The following DPP10 variants were observed in gnomAD, a reference collection of about 807,000 sequenced individuals.
DPP10 encodes the protein inactive dipeptidyl peptidase 10.
Under a neutral mutation model 120.9 loss-of-function variants are expected in DPP10, and 33 were observed. That is an observed-to-expected ratio of 0.27 (90% confidence interval 0.21 to 0.37). The LOEUF (loss-of-function observed/expected upper bound fraction) is 0.37. DPP10 is among the 10% of genes least tolerant of loss of function. The probability of loss-of-function intolerance (pLI) is 1.00; values close to 1 mark genes in which losing one functional copy is unlikely to be tolerated. For synonymous variants in DPP10, 337 were observed against 326.1 expected, an observed-to-expected ratio of 1.03 and a Z score of -0.36; for missense variants, 816 against 942.8, an observed-to-expected ratio of 0.87 and a Z score of 1.76.
chr2:114,512,149 G>A (rs1419345377), intron 1 of DPP10, among the ~76,000 whole-genome samples: 2 of 152,160 alleles, frequency 1.3e-5, no homozygotes, highest in Non-Finnish European at 2.9e-5. Context: ...CTTGACTTTC[G>A]TACAGCTTCA....
chr2:114,853,248 T>C (rs1236214974), intron 1 of DPP10, among the ~76,000 whole-genome samples: 1 of 152,190 alleles, frequency 6.6e-6, no homozygotes, highest in Non-Finnish European at 1.5e-5. Flanking sequence ...GACTGTTAAA[T>C]GGATGAAAAC....
At chr2:114,928,927 C>A (rs188310575) in intron 1 of DPP10, among the ~76,000 whole-genome samples, 8 of 152,312 alleles carry the variant, frequency 5.3e-5, no homozygotes, top group Admixed American at 4.6e-4. Context: ...ACAACAGGAG[C>A]TATCGGGGGA....
rs1001861642 is a variant in DPP10, at chr2:115,549,742, T to C, written c.441+23770T>C. Among the ~76,000 whole-genome samples, 21 of 152,150 alleles carry C rather than the reference T, an allele frequency of 1.4e-4. 1 individual carries two copies. Among genetic ancestry groups the C allele is most frequent in the Non-Finnish European group, 1.5e-5 (1 of 68,034 alleles). On this transcript the variant is annotated intron_variant, in intron 5 of 25. Coordinates refer to ENST00000410059, the MANE Select transcript of DPP10 (RefSeq NM_020868.6). ...CAGTCACTGGCTTAAAATCAATCATTGACACCACATTTAGAATAAGGTCTC... is the reference window on the plus strand; with the variant it reads ...CAGTCACTGGCTTAAAATCAATCATCGACACCACATTTAGAATAAGGTCTC...
chr2:115,640,172 G>T (rs1468067792), intron 5 of DPP10, among the ~76,000 whole-genome samples: 1 of 151,986 alleles, frequency 6.6e-6, no homozygotes, highest in Non-Finnish European at 1.5e-5. Context: ...AGACCCCTCA[G>T]GGAAGGAAAA....
Position 115,686,199 on chromosome 2 carries a change from CA to C in DPP10, c.442-3487del, listed in dbSNP as rs1232653042. ...GTTCCTGTTTAAAATCACTTCCCAC[CA>C]GTCACTTCTGCCCCCAAGCATAGTG... is the stretch of plus-strand genomic sequence containing the variant. On this transcript the variant is annotated intron_variant, in intron 5 of 25. Coordinates refer to ENST00000410059, the MANE Select transcript of DPP10 (RefSeq NM_020868.6). 5.3e-5 allele frequency among the ~76,000 whole-genome samples: 8 copies of C among 152,068 alleles called. No homozygotes were observed. In the East Asian group the frequency reaches 1.5e-3, roughly 29 times the overall value.
intron 10 of DPP10, among the ~76,000 whole-genome samples, chr2:115,750,936 A>T (rs965151995): frequency 6.6e-6 from 1 of 152,142 alleles, no homozygotes; most frequent in Non-Finnish European, 1.5e-5. Context: ...ATTTATTTTT[A>T]AAATTATTCA....
At chr2:115,712,307 G>A (rs974309728) in intron 7 of DPP10, among the ~76,000 whole-genome samples, 5 of 150,182 alleles carry the variant, frequency 3.3e-5, no homozygotes, top group Non-Finnish European at 7.4e-5. Flanking sequence ...AGAACCTCAT[G>A]CCACCACTGA....
chr2:115,278,060 G>A (rs1032955926), intron 1 of DPP10, among the ~76,000 whole-genome samples: 1 of 152,142 alleles, frequency 6.6e-6, no homozygotes, highest in Admixed American at 6.6e-5. Context: ...AGACAGATAG[G>A]CATGGATTCC....
intron 1 of DPP10, among the ~76,000 whole-genome samples, chr2:114,898,687 TAAC>T (rs997384746): frequency 1.3e-5 from 2 of 152,152 alleles, no homozygotes; most frequent in African/African-American, 4.8e-5. Flanking sequence ...TTAACAATAA[TAAC>T]AACTATTTAG....
chr2:115,834,815 G>A (rs562258357), intron 21 of DPP10, among the ~76,000 whole-genome samples: 18 of 152,132 alleles, frequency 1.2e-4, no homozygotes, highest in Admixed American at 5.9e-4. Context: ...AGCCGGGCGC[G>A]GTGGCTCACG....
intron 1 of DPP10, among the ~76,000 whole-genome samples, chr2:114,612,184 G>A (rs985518519): frequency 6.6e-6 from 1 of 152,094 alleles, no homozygotes; most frequent in Non-Finnish European, 1.5e-5. Flanking sequence ...TGGCATCAAG[G>A]TACTTTCATT....
intron 3 of DPP10, among the ~76,000 whole-genome samples, chr2:115,432,659 T>TTGTGTGTGTGTGTGTGTGTGTG (rs59844767): frequency 1.5e-5 from 2 of 137,672 alleles, no homozygotes; most frequent in South Asian, 2.4e-4. Flanking sequence ...ATAGGCAATT[T>TTGTGTGTGTGTGTGTGTGTGTG]TGTGTGTGTG....
intron 1 of DPP10, among the ~76,000 whole-genome samples, chr2:114,800,329 C>A (rs939570432): frequency 6.6e-6 from 1 of 152,192 alleles, no homozygotes; most frequent in African/African-American, 2.4e-5. Context: ...TAATTAACTA[C>A]AGAAATATGT....
At chr2:115,696,458 A>G (rs559276547) in intron 7 of DPP10, among the ~76,000 whole-genome samples, 7 of 152,320 alleles carry the variant, frequency 4.6e-5, no homozygotes, top group South Asian at 2.1e-4. Flanking sequence ...TCAAAATTCT[A>G]AAAGAAAAAC....
At chr2:115,528,849 G>A (rs1245003474) in intron 5 of DPP10, among the ~76,000 whole-genome samples, 1 of 151,008 alleles carries the variant, frequency 6.6e-6, no homozygotes, top group African/African-American at 2.5e-5. Flanking sequence ...TAGTTTCCAG[G>A]AGAAAAGGAG....
chr2:115,706,260 CT>C (rs1252111581), intron 7 of DPP10, among the ~76,000 whole-genome samples: 1 of 151,840 alleles, frequency 6.6e-6, no homozygotes, highest in Non-Finnish European at 1.5e-5. Flanking sequence ...CACAAACTTC[CT>C]TTAATTCATA....
At chr2:115,626,178 C>A (rs1369167361) in intron 5 of DPP10, among the ~76,000 whole-genome samples, 2 of 151,712 alleles carry the variant, frequency 1.3e-5, no homozygotes, top group Non-Finnish European at 2.9e-5. Context: ...ATATAGTAAA[C>A]TCTTTATGTA....
At chr2:115,259,915 A>G (rs928732635) in intron 1 of DPP10, among the ~76,000 whole-genome samples, 1 of 152,042 alleles carries the variant, frequency 6.6e-6, no homozygotes, top group Non-Finnish European at 1.5e-5. Context: ...TTGATTTAGT[A>G]TATCTAATAG....
At chr2:114,790,983 T>G (rs1019132304) in intron 1 of DPP10, among the ~76,000 whole-genome samples, 1 of 152,004 alleles carries the variant, frequency 6.6e-6, no homozygotes, top group African/African-American at 2.4e-5. Context: ...AGTGTGACTA[T>G]AGAATATAAG....
Sources: gnomAD v4.1 joint callset for allele counts (sites outside exome capture counted in the v4.1 genomes callset) on GRCh38, gnomAD v4.1.1 for gene constraint, MANE v1.5 for transcripts, NCBI Gene and HGNC (gene_info 2026-07-23, HGNC 2026-07-21) for gene names.